GRIK1: variants seen among roughly 807,000 people sequenced by gnomAD.
GRIK1 encodes glutamate ionotropic receptor kainate type subunit 1, also known as glutamate receptor ionotropic, kainate 1.
In GRIK1, 69 loss-of-function variants were observed where a neutral mutation model predicts 105.7. That is an observed-to-expected ratio of 0.65 (90% CI 0.54 to 0.80). GRIK1 has a LOEUF of 0.80. GRIK1 is among the 30% of genes least tolerant of loss of function. The probability of loss-of-function intolerance (pLI) is 0.00; values close to 1 mark genes in which losing one functional copy is unlikely to be tolerated. For missense variants in GRIK1, 1,109 were observed against 1,167.3 expected (o/e 0.95, Z 0.73); for synonymous variants, 438 against 431.3 (o/e 1.02, Z -0.19).
At chr21:29,596,262 C>T in intron 9 of GRIK1, 1 of 578,090 alleles carries the variant, frequency 1.7e-6, no homozygotes, top group East Asian at 3.5e-5. Context: ...AAGGACTGAT[C>T]CTGCCTGGGA....
chr21:29,559,491 G>A (rs973922504), intron 15 of GRIK1, among the ~76,000 whole-genome samples: 2 of 152,192 alleles, frequency 1.3e-5, no homozygotes, highest in East Asian at 1.9e-4. Flanking sequence ...TTCATCAGTA[G>A]AAGTTATTGG....
chr21:29,785,681 T>G (rs1169366527), intron 1 of GRIK1, among the ~76,000 whole-genome samples: 15 of 152,108 alleles, frequency 9.9e-5, no homozygotes, highest in African/African-American at 3.6e-4. Flanking sequence ...ATGTGACAGC[T>G]TTTTGTTCCC....
At chr21:29,687,566 A>T (rs2146704688) in intron 3 of GRIK1, among the ~76,000 whole-genome samples, 1 of 152,344 alleles carries the variant, frequency 6.6e-6, no homozygotes, top group South Asian at 2.1e-4. Flanking sequence ...GCGACATACG[A>T]AATCATTTTG....
chr21:29,551,318 C>T (rs1373305741), intron 16 of GRIK1, among the ~76,000 whole-genome samples: 1 of 152,172 alleles, frequency 6.6e-6, no homozygotes, highest in African/African-American at 2.4e-5. Flanking sequence ...CCCTACAAAA[C>T]TTTGTGTTCC....
chr21:29,737,677 G>C (rs2064827422), intron 1 of GRIK1, among the ~76,000 whole-genome samples: 1 of 152,164 alleles, frequency 6.6e-6, no homozygotes, highest in African/African-American at 2.4e-5. Flanking sequence ...GGCCCATCTG[G>C]GGCAACCCAA....
chr21:29,808,162 G>T (rs2066914518), intron 1 of GRIK1, among the ~76,000 whole-genome samples: 1 of 152,070 alleles, frequency 6.6e-6, no homozygotes, highest in African/African-American at 2.4e-5. Flanking sequence ...GGGAAGTTTT[G>T]TTTTCAAGTC....
At chr21:29,617,603 G>A (rs528362041) in intron 7 of GRIK1, among the ~76,000 whole-genome samples, 34 of 152,182 alleles carry the variant, frequency 2.2e-4, no homozygotes, top group East Asian at 5.8e-4. Context: ...TTTCAGAAGC[G>A]CTTGCATCTA....
At chr21:29,938,562 T>C (rs770140031) in intron 1 of GRIK1, among the ~76,000 whole-genome samples, 21 of 152,214 alleles carry the variant, frequency 1.4e-4, no homozygotes, top group South Asian at 4.1e-4. Context: ...TCCACTGTCC[T>C]TGCGTTTTGT....
chr21:29,724,724 A>C (rs1012443758), intron 1 of GRIK1, among the ~76,000 whole-genome samples: 1 of 152,210 alleles, frequency 6.6e-6, no homozygotes, highest in Non-Finnish European at 1.5e-5. Context: ...AATTTGATAG[A>C]AGAGCATATG....
intron 13 of GRIK1, among the ~76,000 whole-genome samples, chr21:29,577,675 C>T (rs2090927960): frequency 6.6e-6 from 1 of 152,104 alleles, no homozygotes; most frequent in Non-Finnish European, 1.5e-5. Flanking sequence ...TGGGATTTTA[C>T]AAATAAAATA....
intron 1 of GRIK1, among the ~76,000 whole-genome samples, chr21:29,867,959 AAT>A (rs10547830): frequency 0.082 from 9,545 of 116,538 alleles, 959 homozygotes; most frequent in African/African-American, 0.2. Flanking sequence ...AGAGAGAGAA[AAT>A]GAGAGAGAAA....
At chr21:29,789,012 C>T (rs1435061358) in intron 1 of GRIK1, among the ~76,000 whole-genome samples, 1 of 152,204 alleles carries the variant, frequency 6.6e-6, no homozygotes, top group Non-Finnish European at 1.5e-5. Flanking sequence ...TTGGGGACCT[C>T]TGTTACAGAC....
intron 4 of GRIK1, chr21:29,657,427 G>C (rs951759334): frequency 2.0e-5 from 3 of 152,080 alleles, no homozygotes; most frequent in African/African-American, 7.2e-5. Flanking sequence ...GCCTCTCAGC[G>C]TTAGGAAAGA....
chr21:29,868,484 CCTT>C (rs976205400), intron 1 of GRIK1, among the ~76,000 whole-genome samples: 13 of 151,912 alleles, frequency 8.6e-5, no homozygotes, highest in African/African-American at 2.9e-4. Context: ...TTTCCCATAC[CCTT>C]CTTCTTGAAA....
intron 1 of GRIK1, among the ~76,000 whole-genome samples, chr21:29,771,348 T>C (rs1485500161): frequency 1.3e-5 from 2 of 152,210 alleles, no homozygotes; most frequent in African/African-American, 2.4e-5. Context: ...AAGGCCCCGA[T>C]GTCTAATGGA....
intron 1 of GRIK1, among the ~76,000 whole-genome samples, chr21:29,826,887 G>A (rs750859639): frequency 6.6e-6 from 1 of 152,032 alleles, no homozygotes; most frequent in African/African-American, 2.4e-5. Flanking sequence ...TCACTTGCTT[G>A]TATTATAAAC....
At chr21:29,856,230 C>G (rs947380118) in intron 1 of GRIK1, among the ~76,000 whole-genome samples, 4 of 151,912 alleles carry the variant, frequency 2.6e-5, no homozygotes, top group Non-Finnish European at 4.4e-5. Context: ...TGGTCTGGCC[C>G]CAGAGACTGT....
intron 1 of GRIK1, among the ~76,000 whole-genome samples, chr21:29,817,752 GC>G (rs1334681345): frequency 1.3e-5 from 2 of 152,136 alleles, no homozygotes; most frequent in Non-Finnish European, 2.9e-5. Flanking sequence ...ATTAATGTTT[GC>G]TTTTGCAAAT....
intron 7 of GRIK1, among the ~76,000 whole-genome samples, chr21:29,615,468 C>A (rs948903853): frequency 4.7e-4 from 71 of 152,144 alleles, no homozygotes; most frequent in African/African-American, 1.7e-3. Context: ...TGCCATCATG[C>A]CTGGCTAATT....
Sources: allele counts gnomAD v4.1 joint callset (sites outside exome capture counted in the v4.1 genomes callset), GRCh38; gene constraint gnomAD v4.1.1; transcripts MANE v1.5; gene names NCBI Gene and HGNC (gene_info 2026-07-23, HGNC 2026-07-21).